PRKCB: variants seen among roughly 807,000 people sequenced by gnomAD.
The protein encoded by PRKCB is protein kinase C beta.
PRKCB carries 13 observed loss-of-function variants against 81.5 expected under a neutral mutation model. The ratio of observed to expected loss-of-function variants is 0.16; its 90% confidence interval spans 0.10 to 0.25. The LOEUF is 0.25. Among genes scored for constraint, PRKCB ranks in the 10% least tolerant of loss-of-function variants. The pLI is 1.00. For synonymous variants in PRKCB, 335 were observed against 321.4 expected, an observed-to-expected ratio of 1.04 and a Z score of -0.45; for missense variants, 509 against 875.7, an observed-to-expected ratio of 0.58 and a Z score of 5.29.
At chr16:24,101,169 A>T (rs993756797) in intron 7 of PRKCB, among the ~76,000 whole-genome samples, 1 of 152,202 alleles carries the variant, frequency 6.6e-6, no homozygotes, top group Admixed American at 6.5e-5. Flanking sequence ...TGTGGCTAAT[A>T]TGTTAGTTTT....
chr16:23,984,928 GA>G (rs779611881), intron 2 of PRKCB, among the ~76,000 whole-genome samples: 13 of 152,050 alleles, frequency 8.5e-5, no homozygotes, highest in Non-Finnish European at 1.2e-4. Context: ...ACGACAGGGG[GA>G]AAAGAGAGAA....
chr16:23,890,251 A>G (rs900803806), intron 2 of PRKCB, among the ~76,000 whole-genome samples: 2 of 152,202 alleles, frequency 1.3e-5, no homozygotes, highest in African/African-American at 4.8e-5. Context: ...TATCCCTGAG[A>G]TAGACCTCAC....
intron 3 of PRKCB, among the ~76,000 whole-genome samples, chr16:24,020,567 A>T (rs188513965): frequency 3.9e-4 from 59 of 152,292 alleles, no homozygotes; most frequent in African/African-American, 8.2e-4. Context: ...TTGAGGTTTT[A>T]TAAAGTGGAT....
chr16:23,906,566 T>C (rs1963565036), intron 2 of PRKCB, among the ~76,000 whole-genome samples: 1 of 152,210 alleles, frequency 6.6e-6, no homozygotes, highest in Admixed American at 6.5e-5. Flanking sequence ...ACATTTTGTG[T>C]CTTGCTTAGA....
chr16:24,103,503 G>T (rs187898477), intron 7 of PRKCB, among the ~76,000 whole-genome samples: 3 of 152,232 alleles, frequency 2.0e-5, no homozygotes, highest in Non-Finnish European at 2.9e-5. Flanking sequence ...GCAAGAAAAA[G>T]ATTATATTAG....
chr16:24,112,306 A>T (rs562018578), intron 7 of PRKCB, among the ~76,000 whole-genome samples: 18 of 152,286 alleles, frequency 1.2e-4, no homozygotes, highest in Middle Eastern at 3.4e-3. Context: ...GGGTGAGAAG[A>T]TCACTTGAGG....
At chr16:23,862,108 C>T (rs563793480) in intron 2 of PRKCB, among the ~76,000 whole-genome samples, 1 of 152,186 alleles carries the variant, frequency 6.6e-6, no homozygotes, top group African/African-American at 2.4e-5. Context: ...TGGATTGTAT[C>T]CTGGACACTG....
rs534573202 is a variant in PRKCB at position 23,946,937 on chromosome 16, C to T, written c.206-41571C>T. On this transcript the variant is annotated intron_variant, in intron 2 of 16. Coordinates refer to ENST00000643927, the MANE Select transcript of PRKCB (RefSeq NM_002738.7). ...GTGGTGTGATCTCAGCTCACTGCAA[C>T]CTCCACCTTCTAGGCTTAAGCGATT... Among the ~76,000 whole-genome samples the T allele has an allele frequency of 1.3e-5, 2 of 151,864 alleles. 1 individual carries two copies. The highest frequency in any genetic ancestry group is 4.2e-4 in the South Asian group (2 of 4,808).
intron 9 of PRKCB, among the ~76,000 whole-genome samples, chr16:24,130,874 C>A (rs969459851): frequency 6.6e-5 from 10 of 152,138 alleles, no homozygotes; most frequent in Non-Finnish European, 1.5e-5. Flanking sequence ...GCCGGGAGAA[C>A]AATTTGGGTG....
At chr16:24,055,105 T>C (rs1965888667) in intron 5 of PRKCB, among the ~76,000 whole-genome samples, 1 of 152,256 alleles carries the variant, frequency 6.6e-6, no homozygotes, top group Non-Finnish European at 1.5e-5. Flanking sequence ...TGAGGGGCCC[T>C]CTTGGGCACA....
At chr16:23,922,683 G>A (rs1013935939) in intron 2 of PRKCB, among the ~76,000 whole-genome samples, 1 of 152,172 alleles carries the variant, frequency 6.6e-6, no homozygotes, top group African/African-American at 2.4e-5. Context: ...TGACACCTTT[G>A]CTTTGACAAC....
At chr16:23,977,000 A>G (rs1018886266) in intron 2 of PRKCB, among the ~76,000 whole-genome samples, 2 of 152,168 alleles carry the variant, frequency 1.3e-5, no homozygotes, top group Non-Finnish European at 2.9e-5. Flanking sequence ...TATAAAGGAA[A>G]ACAGTCTTTT....
At chr16:23,878,531 A>T (rs1421027457) in intron 2 of PRKCB, among the ~76,000 whole-genome samples, 1 of 152,212 alleles carries the variant, frequency 6.6e-6, no homozygotes, top group Non-Finnish European at 1.5e-5. Context: ...CATGCTGCTA[A>T]TATACCACAG....
At chr16:24,174,660 T>A (rs1967500809) in intron 12 of PRKCB, 80 bp downstream of exon 12, 1 of 1,325,238 alleles carries the variant, frequency 7.5e-7, no homozygotes, top group Non-Finnish European at 1.1e-6. Flanking sequence ...CAGCTGCTTT[T>A]AAAATTAGAA....
chr16:24,178,680 A>G (rs1967572993), intron 12 of PRKCB, among the ~76,000 whole-genome samples: 1 of 152,238 alleles, frequency 6.6e-6, no homozygotes, highest in Non-Finnish European at 1.5e-5. Context: ...AAGGCTGGAT[A>G]TGAGCAGCAC....
At chr16:23,951,113 C>A (rs1964275690) in intron 2 of PRKCB, among the ~76,000 whole-genome samples, 1 of 152,184 alleles carries the variant, frequency 6.6e-6, no homozygotes, top group African/African-American at 2.4e-5. Flanking sequence ...TGACTCAGTT[C>A]TGCAGAGGGT....
chr16:23,869,218 T>C (rs1310854688), intron 2 of PRKCB: 3 of 424,196 alleles, frequency 7.1e-6, no homozygotes, highest in East Asian at 1.5e-4. Flanking sequence ...AGCTATTGTG[T>C]GGTTTAGCCA....
At chr16:23,851,678 T>C (rs896878857) in intron 2 of PRKCB, among the ~76,000 whole-genome samples, 3 of 152,236 alleles carry the variant, frequency 2.0e-5, no homozygotes, top group Non-Finnish European at 4.4e-5. Flanking sequence ...TTGGCTAGTA[T>C]GGACATTTTC....
In PRKCB at chr16:24,218,542, A is replaced by G. The variant is rs1968269177; in HGVS notation, c.*3726A>G. On this transcript the variant is annotated 3_prime_UTR_variant, in exon 17 of 17. Coordinates refer to ENST00000643927, the MANE Select transcript of PRKCB (RefSeq NM_002738.7). Reference sequence around the variant, plus strand: ...CCCACACCCTCACATAGACTTGGCAAGAGTAAGGAGGGAACTCCATAGAGA... The same window carrying G: ...CCCACACCCTCACATAGACTTGGCAGGAGTAAGGAGGGAACTCCATAGAGA... The G allele has an allele frequency of 5.1e-6, 5 of 985,318 alleles. No homozygotes were observed. The South Asian group carries it at 2.3e-4, about 46-fold the overall frequency. 61.0% of individuals were successfully genotyped at this position (985,318 alleles called of 1,614,324 possible).
Sources: gnomAD v4.1 joint callset for allele counts (sites outside exome capture counted in the v4.1 genomes callset) on GRCh38, gnomAD v4.1.1 for gene constraint, MANE v1.5 for transcripts, NCBI Gene and HGNC (gene_info 2026-07-23, HGNC 2026-07-21) for gene names.